The following EIF4E variants were observed in gnomAD, a reference collection of about 807,000 sequenced individuals.
The protein encoded by EIF4E is eukaryotic translation initiation factor 4E.
For synonymous variants in EIF4E, 71 were observed against 88.5 expected, an observed-to-expected ratio of 0.80 and a Z score of 1.11; for missense variants, 113 against 265.6, an observed-to-expected ratio of 0.43 and a Z score of 3.99.
At chr4:98,917,758 T>C (rs1260465127) in intron 1 of EIF4E, among the ~76,000 whole-genome samples, 1 of 152,162 alleles carries the variant, frequency 6.6e-6, no homozygotes, top group Non-Finnish European at 1.5e-5. Context: ...TCCTAGGTCA[T>C]GGTACATGTG....
At chr4:98,901,200 C>CTT (rs559776648) in intron 2 of EIF4E, among the ~76,000 whole-genome samples, 10 of 142,858 alleles carry the variant, frequency 7.0e-5, no homozygotes, top group East Asian at 4.1e-4. Context: ...ACCACTGTCT[C>CTT]TTTTTTTTTT....
intron 1 of EIF4E, among the ~76,000 whole-genome samples, chr4:98,922,741 C>G (rs1323019550): frequency 6.6e-6 from 1 of 151,798 alleles, no homozygotes; most frequent in Admixed American, 6.6e-5. Flanking sequence ...AATCCATATC[C>G]TTAATTCCAT....
chr4:98,922,810 A>G (rs1480114459), intron 1 of EIF4E, among the ~76,000 whole-genome samples: 1 of 151,462 alleles, frequency 6.6e-6, no homozygotes, highest in Non-Finnish European at 1.5e-5. Context: ...TTTACTGAAT[A>G]TAGTGTGACT....
chr4:98,921,355 A>C (rs551657422), intron 1 of EIF4E, among the ~76,000 whole-genome samples: 1 of 151,944 alleles, frequency 6.6e-6, no homozygotes, highest in African/African-American at 2.4e-5. Context: ...ATATGTAGAC[A>C]TATATATCAA....
At chr4:98,917,315 C>T (rs1184758517) in intron 1 of EIF4E, among the ~76,000 whole-genome samples, 2 of 152,012 alleles carry the variant, frequency 1.3e-5, no homozygotes, top group Admixed American at 6.6e-5. Context: ...GCAGCATATT[C>T]CCAAAGACCA....
At chr4:98,903,605 A>G in intron 1 of EIF4E, 1 of 388,028 alleles carries the variant, frequency 2.6e-6, no homozygotes, top group Non-Finnish European at 5.0e-6. Context: ...TGGCCTCCCA[A>G]GGGATATGTT....
rs143289028 is a variant in EIF4E, at chr4:98,916,493, G to A, written c.18+12602C>T. 5.0e-3 allele frequency among the ~76,000 whole-genome samples: 761 copies of A among 152,218 alleles called. 4 individuals are homozygous for A. The highest frequency in any genetic ancestry group is 0.018 in the African/African-American group (735 of 41,534). On this transcript the variant is annotated intron_variant, in intron 1 of 6. Transcript: ENST00000450253. ...TAAACCTATGAGAAGTGATGGACATGAGTGGCCATATTAAAAATGCCCAAT... is the reference window on the plus strand; with the variant it reads ...TAAACCTATGAGAAGTGATGGACATAAGTGGCCATATTAAAAATGCCCAAT...
intron 1 of EIF4E, among the ~76,000 whole-genome samples, chr4:98,915,545 C>T (rs1367934062): frequency 2.8e-5 from 4 of 144,436 alleles, no homozygotes; most frequent in Non-Finnish European, 6.1e-5. Flanking sequence ...TTGTAAATTA[C>T]TTTTTTTTTT....
At position 98,887,420 on chromosome 4, in the gene EIF4E, A is replaced by T. The variant is rs1329605121; in HGVS notation, c.286-228T>A. Among the ~76,000 whole-genome samples the T allele has an allele frequency of 6.6e-6, 1 of 152,212 alleles. No individual in the cohort carries two copies. The highest frequency in any genetic ancestry group is 1.9e-4 in the East Asian group (1 of 5,198). The stretch of plus-strand genomic sequence containing the variant: ...TATTAGCTATCAAATCTTGGGTTTC[A>T]CTTAATTTGAAGGTTCTTAAACTTT... On this transcript the variant is annotated intron_variant, in intron 4 of 6. Coordinates refer to ENST00000450253, the MANE Select transcript of EIF4E (RefSeq NM_001968.5). The surrounding 1 kb of genome is among the most constrained non-coding windows in gnomAD (Gnocchi z 4.0).
chr4:98,929,127 A>T lies in EIF4E; in HGVS notation c.-15T>A, dbSNP rs750285112. ...ACAGTCGCCATCTTAGATCGATCTGATCGCACAACCGCTCCAGAAGGGGGG... is the reference window on the plus strand; with the variant it reads ...ACAGTCGCCATCTTAGATCGATCTGTTCGCACAACCGCTCCAGAAGGGGGG... On this transcript the variant is annotated 5_prime_UTR_variant, in exon 1 of 7. Transcript: ENST00000450253. 2.6e-6 allele frequency: 4 copies of T among 1,566,672 alleles called. No individual in the cohort carries two copies. Among genetic ancestry groups the T allele is most frequent in the South Asian group, 1.2e-5 (1 of 85,326 alleles).
In EIF4E at chr4:98,887,832, T is replaced by C. The variant is rs1723986913; in HGVS notation, c.285+57A>G. The C allele has an allele frequency of 1.4e-6, 2 of 1,478,262 alleles. No homozygotes were observed. Among genetic ancestry groups the C allele is most frequent in the Non-Finnish European group, 1.9e-6 (2 of 1,064,848 alleles). The allele number at this position is 1,478,262 out of a possible 1,614,324, so 91.6% of individuals were successfully genotyped here. On this transcript the variant is annotated intron_variant, in intron 4 of 6. Coordinates refer to ENST00000450253, the MANE Select transcript of EIF4E (RefSeq NM_001968.5). The surrounding 1 kb of genome is among the most constrained non-coding windows in gnomAD (Gnocchi z 4.0). ...CTAAGTTTATGGTAAGATTTCTTAATGAATACCAAATGGCCCAGTCCTATA... is the reference window on the plus strand; with the variant it reads ...CTAAGTTTATGGTAAGATTTCTTAACGAATACCAAATGGCCCAGTCCTATA...
At chr4:98,914,655 T>C (rs116145868) in intron 1 of EIF4E, among the ~76,000 whole-genome samples, 1 of 152,094 alleles carries the variant, frequency 6.6e-6, no homozygotes, top group Admixed American at 6.6e-5. Context: ...AACAGAGGAT[T>C]TTTAGGGCTT....
chr4:98,927,342 T>G (rs920218047), intron 1 of EIF4E, among the ~76,000 whole-genome samples: 5 of 152,014 alleles, frequency 3.3e-5, no homozygotes, highest in African/African-American at 1.2e-4. Flanking sequence ...CTATAAGAGT[T>G]TTTGAAATAG....
intron 1 of EIF4E, among the ~76,000 whole-genome samples, chr4:98,918,119 T>C (rs1445814710): frequency 2.0e-5 from 3 of 151,104 alleles, no homozygotes; most frequent in African/African-American, 7.3e-5. Context: ...TCCCAGCACT[T>C]TGGGAGGCCA....
At chr4:98,911,162 C>A (rs563989213) in intron 1 of EIF4E, among the ~76,000 whole-genome samples, 17 of 151,964 alleles carry the variant, frequency 1.1e-4, no homozygotes, top group African/African-American at 4.1e-4. Flanking sequence ...CAGTTCTCTA[C>A]CTCAGCCTCC....
chr4:98,884,038 CAAAA>C (rs11438126), intron 6 of EIF4E, among the ~76,000 whole-genome samples: 1 of 102,928 alleles, frequency 9.7e-6, no homozygotes, highest in African/African-American at 3.8e-5. Context: ...GACCCTGTCT[CAAAA>C]AAAAAAAAAA....
At chr4:98,897,152 G>C (rs531481974) in intron 2 of EIF4E, among the ~76,000 whole-genome samples, 29 of 152,224 alleles carry the variant, frequency 1.9e-4, no homozygotes, top group African/African-American at 6.8e-4. Flanking sequence ...CGGTGCAAAA[G>C]CAACAGTAGT....
At chr4:98,900,730 T>C (rs988569640) in intron 2 of EIF4E, among the ~76,000 whole-genome samples, 1 of 151,950 alleles carries the variant, frequency 6.6e-6, no homozygotes, top group South Asian at 2.1e-4. Flanking sequence ...CCCCAGAAAA[T>C]AAATAAAAAC....
At chr4:98,909,870 A>AG in intron 1 of EIF4E, 1 of 631,556 alleles carries the variant, frequency 1.6e-6, no homozygotes, top group Non-Finnish European at 2.8e-6. Flanking sequence ...CGCCATGAGA[A>AG]GGGTGGGACA....
Sources: allele counts gnomAD v4.1 joint callset (sites outside exome capture counted in the v4.1 genomes callset), GRCh38; gene constraint gnomAD v4.1.1; non-coding constraint Gnocchi (gnomAD v3.1); transcripts MANE v1.5; gene names NCBI Gene and HGNC (gene_info 2026-07-23, HGNC 2026-07-21).